The following GALNTL6 variants were observed in gnomAD, a reference collection of about 807,000 sequenced individuals.
GALNTL6 encodes polypeptide N-acetylgalactosaminyltransferase like 6.
GALNTL6 carries 46 observed loss-of-function variants against 73.7 expected under a neutral mutation model. The ratio of observed to expected loss-of-function variants is 0.62; its 90% CI spans 0.49 to 0.80. GALNTL6 has a LOEUF of 0.80. Among genes scored for constraint, GALNTL6 ranks in the 30% least tolerant of loss-of-function variants. GALNTL6 has a pLI of 0.00. For synonymous variants in GALNTL6, 259 were observed against 263.7 expected (o/e 0.98, Z 0.17); for missense variants, 604 against 755.0 (o/e 0.80, Z 2.34).
intron 2 of GALNTL6, among the ~76,000 whole-genome samples, chr4:172,136,478 G>A (rs1215489336): frequency 6.6e-6 from 1 of 151,874 alleles, no homozygotes; most frequent in Non-Finnish European, 1.5e-5. Context: ...TAGTCTCAAT[G>A]ATCCCCTTTA....
chr4:172,372,871 G>C (rs1300093216), intron 5 of GALNTL6, among the ~76,000 whole-genome samples: 1 of 152,128 alleles, frequency 6.6e-6, no homozygotes, highest in Non-Finnish European at 1.5e-5. Flanking sequence ...TAATGTCTTA[G>C]GGCAAGGATA....
At chr4:172,318,913 A>G (rs1183354825) in intron 4 of GALNTL6, among the ~76,000 whole-genome samples, 2 of 152,178 alleles carry the variant, frequency 1.3e-5, no homozygotes, top group East Asian at 3.8e-4. Context: ...TAAGGATCAA[A>G]TAAATAAAAC....
Position 172,202,624 on chromosome 4 carries a change from T to G in GALNTL6, c.139-27032T>G, listed in dbSNP as rs537255676. Among the ~76,000 whole-genome samples, 8 of 152,240 alleles carry G rather than the reference T, an allele frequency of 5.3e-5. No individual in the cohort carries two copies. In the South Asian group the frequency reaches 1.2e-3, roughly 24 times the overall value. The stretch of plus-strand genomic sequence containing the variant: ...ATCCCCAAAATAAGTATCTAGGTAA[T>G]GTACTTGTGAAATCAGTGTGGTCTG... On this transcript the variant is annotated intron_variant, in intron 2 of 12. Transcript: ENST00000506823.
At chr4:171,853,901 C>G (rs546556923) in intron 2 of GALNTL6, among the ~76,000 whole-genome samples, 18 of 152,142 alleles carry the variant, frequency 1.2e-4, no homozygotes, top group African/African-American at 4.1e-4. Flanking sequence ...CGTGAGCCAC[C>G]GCGCCTGGCC....
chr4:172,372,481 A>C (rs1296268957), intron 5 of GALNTL6, among the ~76,000 whole-genome samples: 2 of 152,122 alleles, frequency 1.3e-5, no homozygotes, highest in Non-Finnish European at 2.9e-5. Context: ...TGACACTAAG[A>C]TGGCCACCGC....
intron 4 of GALNTL6, among the ~76,000 whole-genome samples, chr4:172,314,480 C>T (rs1740472069): frequency 6.6e-6 from 1 of 151,472 alleles, no homozygotes; most frequent in East Asian, 2.0e-4. Context: ...TGTACTCTTT[C>T]ATATTCTCAC....
intron 2 of GALNTL6, among the ~76,000 whole-genome samples, chr4:172,081,774 G>A (rs1310585358): frequency 6.6e-6 from 1 of 152,198 alleles, no homozygotes; most frequent in Middle Eastern, 3.2e-3. Flanking sequence ...CATACTACAG[G>A]AACCCTGGCA....
chr4:172,008,658 CCA>C (rs1242203989), intron 2 of GALNTL6, among the ~76,000 whole-genome samples: 9 of 152,194 alleles, frequency 5.9e-5, no homozygotes, highest in Non-Finnish European at 5.9e-5. Flanking sequence ...CGTTTTGTTT[CCA>C]CAGTCACTGT....
chr4:171,912,625 C>G (rs112276593), intron 2 of GALNTL6, among the ~76,000 whole-genome samples: 64 of 152,250 alleles, frequency 4.2e-4, no homozygotes, highest in African/African-American at 1.5e-3. Context: ...AGTCTCCCTG[C>G]TATATTATTG....
At chr4:172,089,906 G>A (rs1167498138) in intron 2 of GALNTL6, among the ~76,000 whole-genome samples, 1 of 152,086 alleles carries the variant, frequency 6.6e-6, no homozygotes, top group Non-Finnish European at 1.5e-5. Flanking sequence ...CTGTGTCCAT[G>A]TGTTCTCATT....
At chr4:172,523,929 G>C (rs1475149343) in intron 5 of GALNTL6, among the ~76,000 whole-genome samples, 3 of 152,096 alleles carry the variant, frequency 2.0e-5, no homozygotes, top group Non-Finnish European at 2.9e-5. Context: ...AAACAACCCA[G>C]GTCAAGAAAT....
At chr4:171,923,092 G>T (rs1327304997) in intron 2 of GALNTL6, among the ~76,000 whole-genome samples, 2 of 152,134 alleles carry the variant, frequency 1.3e-5, no homozygotes, top group Non-Finnish European at 2.9e-5. Context: ...GGATAGGAAG[G>T]AAGTAGAGAG....
At chr4:172,515,073 A>T (rs1231227962) in intron 5 of GALNTL6, among the ~76,000 whole-genome samples, 1 of 152,186 alleles carries the variant, frequency 6.6e-6, no homozygotes, top group Non-Finnish European at 1.5e-5. Context: ...GTCTCCATAC[A>T]CTGTTCTGTC....
intron 3 of GALNTL6, among the ~76,000 whole-genome samples, chr4:172,305,769 C>A (rs1363937975): frequency 6.6e-6 from 1 of 152,140 alleles, no homozygotes; most frequent in Non-Finnish European, 1.5e-5. Context: ...AAATCCTATT[C>A]TCACAACTGC....
intron 5 of GALNTL6, among the ~76,000 whole-genome samples, chr4:172,715,356 T>C (rs1443979087): frequency 6.6e-6 from 1 of 152,144 alleles, no homozygotes; most frequent in Admixed American, 6.5e-5. Context: ...GTTGTTATGG[T>C]TCTGTGATCT....
At chr4:172,271,674 A>G (rs1738658914) in intron 3 of GALNTL6, among the ~76,000 whole-genome samples, 1 of 152,036 alleles carries the variant, frequency 6.6e-6, no homozygotes, top group Non-Finnish European at 1.5e-5. Flanking sequence ...TATGCATTAA[A>G]TATACATTAT....
intron 5 of GALNTL6, among the ~76,000 whole-genome samples, chr4:172,416,095 G>A (rs1730821208): frequency 6.6e-6 from 1 of 152,138 alleles, no homozygotes; most frequent in Non-Finnish European, 1.5e-5. Context: ...GTCTCGAAAT[G>A]TATGGGGATA....
In GALNTL6 at chr4:172,292,792, C is replaced by T. The variant is rs570681493; in HGVS notation, c.248-18822C>T. 7.9e-5 allele frequency among the ~76,000 whole-genome samples: 12 copies of T among 152,182 alleles called. No individual in the cohort carries two copies. In the East Asian group the frequency reaches 1.7e-3, roughly 22 times the overall value. On this transcript the variant is annotated intron_variant, in intron 3 of 12. Transcript: ENST00000506823. ...TTAATAGTTATCCTTTAAGAAATTA[C>T]TCTAATTGAAGGCCTTTCTACATCC...
At chr4:172,734,619 C>T (rs1736346077) in intron 5 of GALNTL6, among the ~76,000 whole-genome samples, 1 of 152,156 alleles carries the variant, frequency 6.6e-6, no homozygotes, top group Non-Finnish European at 1.5e-5. Flanking sequence ...AAGCTCTGCC[C>T]CTGTGGCTTT....
Sources: gnomAD v4.1 joint callset for allele counts (sites outside exome capture counted in the v4.1 genomes callset) on GRCh38, gnomAD v4.1.1 for gene constraint, MANE v1.5 for transcripts, NCBI Gene and HGNC (gene_info 2026-07-23, HGNC 2026-07-21) for gene names.